PAK5: variants seen among roughly 807,000 people sequenced by gnomAD.
PAK5 encodes serine/threonine-protein kinase PAK 5.
PAK5 carries 16 observed loss-of-function variants against 65.9 expected under a neutral mutation model. That is an observed-to-expected ratio of 0.24 (90% CI 0.16 to 0.37). The LOEUF (loss-of-function observed/expected upper bound fraction) is 0.37, where lower values mean the gene tolerates loss of function less well. Ranked by LOEUF, PAK5 falls within the 10% of genes least tolerant of loss-of-function variation. The probability of loss-of-function intolerance (pLI) is 1.00; values close to 1 mark genes in which losing one functional copy is unlikely to be tolerated. For missense variants in PAK5, 785 were observed against 903.9 expected (o/e 0.87, Z 1.69); for synonymous variants, 371 against 354.9 (o/e 1.05, Z -0.51).
At chr20:9,642,644 A>G (rs2047084265) in intron 3 of PAK5, among the ~76,000 whole-genome samples, 1 of 152,240 alleles carries the variant, frequency 6.6e-6, no homozygotes, top group Non-Finnish European at 1.5e-5. Flanking sequence ...TCATTAGTGA[A>G]GTGCTAGCCT....
At chr20:9,701,150 G>A (rs532941321) in intron 2 of PAK5, among the ~76,000 whole-genome samples, 6 of 152,158 alleles carry the variant, frequency 3.9e-5, no homozygotes, top group African/African-American at 7.2e-5. Flanking sequence ...GACGAGTCAA[G>A]CAAAGTCATT....
rs753315436 is a variant in PAK5 at position 9,580,672 on chromosome 20, C to G, written c.463G>C (p.Asp155His). 3.1e-6 allele frequency: 5 copies of G among 1,613,922 alleles called. No homozygotes were observed. The highest frequency in any genetic ancestry group is 1.3e-5 in the African/African-American group (1 of 74,866). Residue 155 changes from aspartate to histidine, a missense_variant, in exon 4 of 10, where the codon GAT becomes CAT. By Grantham distance (81) the Asp-to-His change is moderately conservative. Around this residue, in one of 4 missense-constraint regions of PAK5, gnomAD observed 422 missense variants for 413.3 expected, o/e 1.02. Transcript: ENST00000353224. ...CTGCCTCTATAATACGGATCCAGATCATCTCCATAGAGACTCTTCTCCCTG... is the reference window on the plus strand; with the variant it reads ...CTGCCTCTATAATACGGATCCAGATGATCTCCATAGAGACTCTTCTCCCTG... ...KYREKSLYGD[D>H]LDPYYRGSHA...
Position 9,821,162 on chromosome 20 carries a change from T to C in PAK5, c.-162+17600A>G, listed in dbSNP as rs547122315. Among the ~76,000 whole-genome samples the C allele has an allele frequency of 5.0e-3, 764 of 152,100 alleles. 2 individuals are homozygous for C. The highest frequency in any genetic ancestry group is 8.8e-3 in the Admixed American group (134 of 15,266). On this transcript the variant is annotated intron_variant, in intron 1 of 9. Coordinates refer to ENST00000353224, the MANE Select transcript of PAK5 (RefSeq NM_177990.4). The stretch of plus-strand genomic sequence containing the variant: ...TTGGGAGGCCGAGGCAGGCGGATCA[T>C]CTGAGGTCAGGAGTTCGAGACCAGC...
At chr20:9,667,976 T>A (rs17409066) in intron 2 of PAK5, among the ~76,000 whole-genome samples, 320 of 152,304 alleles carry the variant, frequency 2.1e-3, no homozygotes, top group Non-Finnish European at 3.4e-3. Context: ...TTAATAATTA[T>A]ACCAAATAGA....
intron 2 of PAK5, among the ~76,000 whole-genome samples, chr20:9,663,170 C>A (rs907591741): frequency 1.3e-5 from 2 of 151,782 alleles, no homozygotes; most frequent in African/African-American, 2.4e-5. Flanking sequence ...GAAGCAAAAA[C>A]CATTGCAATG....
intron 1 of PAK5, among the ~76,000 whole-genome samples, chr20:9,716,796 T>C (rs2048152202): frequency 6.6e-6 from 1 of 152,122 alleles, no homozygotes; most frequent in African/African-American, 2.4e-5. Flanking sequence ...TAAAAAGCAA[T>C]CTGGGGGCCA....
intron 1 of PAK5, among the ~76,000 whole-genome samples, chr20:9,804,658 A>T (rs1184320667): frequency 6.6e-6 from 1 of 152,228 alleles, no homozygotes. Context: ...CAAATTTGGC[A>T]GTGGTTCCTC....
intron 1 of PAK5, among the ~76,000 whole-genome samples, chr20:9,808,077 G>A (rs569937221): frequency 4.6e-5 from 7 of 152,136 alleles, no homozygotes; most frequent in Admixed American, 1.3e-4. Flanking sequence ...AAGTTGAGGT[G>A]TGTTCAGACA....
chr20:9,803,536 C>G (rs949386945), intron 1 of PAK5, among the ~76,000 whole-genome samples: 1 of 152,126 alleles, frequency 6.6e-6, no homozygotes, highest in African/African-American at 2.4e-5. Flanking sequence ...AAAGAAGAGT[C>G]TAAGAACATG....
At chr20:9,697,125 T>C (rs1008450802) in intron 2 of PAK5, among the ~76,000 whole-genome samples, 22 of 152,090 alleles carry the variant, frequency 1.4e-4, no homozygotes, top group African/African-American at 5.3e-4. Flanking sequence ...CCAAAAGACT[T>C]CTTGCCATCT....
chr20:9,669,270 A>G (rs1335819650), intron 2 of PAK5, among the ~76,000 whole-genome samples: 4 of 152,154 alleles, frequency 2.6e-5, no homozygotes, highest in Non-Finnish European at 5.9e-5. Context: ...GATTACCAAT[A>G]TATTTACTTG....
chr20:9,649,306 T>A (rs866349303), intron 2 of PAK5, among the ~76,000 whole-genome samples: 1 of 152,248 alleles, frequency 6.6e-6, no homozygotes, highest in East Asian at 1.9e-4. Flanking sequence ...AATATTAGTT[T>A]AGTTCCTAGA....
intron 1 of PAK5, among the ~76,000 whole-genome samples, chr20:9,802,910 G>GTA (rs57705525): frequency 0.071 from 3,281 of 46,418 alleles, 218 homozygotes; most frequent in Middle Eastern, 0.16. Flanking sequence ...ATATGTATGT[G>GTA]TATATATATA....
At chr20:9,614,598 T>C (rs2046622121) in intron 3 of PAK5, among the ~76,000 whole-genome samples, 1 of 152,212 alleles carries the variant, frequency 6.6e-6, no homozygotes, top group South Asian at 2.1e-4. Flanking sequence ...AACACCTTAC[T>C]TCCTTAGAGG....
rs111849792 is a variant in PAK5, at chr20:9,660,543, T to C, written c.-11-16204A>G. Among the ~76,000 whole-genome samples, 528 of 151,870 alleles carry C rather than the reference T, an allele frequency of 3.5e-3. 2 individuals are homozygous for C. Among genetic ancestry groups the C allele is most frequent in the African/African-American group, 0.012 (495 of 41,446 alleles). Reference sequence around the variant, plus strand: ...GAAAATTACGTAGTATATTAGAAGATGATAAGGCCCGTGAGAAAAAAATAA... The same window carrying C: ...GAAAATTACGTAGTATATTAGAAGACGATAAGGCCCGTGAGAAAAAAATAA... On this transcript the variant is annotated intron_variant, in intron 2 of 9. Coordinates refer to ENST00000353224, the MANE Select transcript of PAK5 (RefSeq NM_177990.4).
intron 3 of PAK5, among the ~76,000 whole-genome samples, chr20:9,598,110 C>G (rs866704586): frequency 5.3e-5 from 8 of 152,256 alleles, no homozygotes; most frequent in Middle Eastern, 3.4e-3. Context: ...TGCTTTCCCT[C>G]CCCCCATGAC....
chr20:9,562,830 G>A (rs138861744), intron 6 of PAK5, 61 bp downstream of exon 6: 16 of 1,497,030 alleles, frequency 1.1e-5, no homozygotes, highest in South Asian at 5.8e-5. Context: ...TAGTCACTGC[G>A]GCTTTATCCT....
intron 1 of PAK5, among the ~76,000 whole-genome samples, chr20:9,797,621 T>C (rs1600385592): frequency 6.6e-6 from 1 of 150,704 alleles, no homozygotes; most frequent in South Asian, 2.1e-4. Flanking sequence ...GTTGTGCACA[T>C]GTACCCTAGA....
At chr20:9,724,536 A>T (rs192656747) in intron 1 of PAK5, among the ~76,000 whole-genome samples, 1 of 152,300 alleles carries the variant, frequency 6.6e-6, no homozygotes, top group East Asian at 1.9e-4. Context: ...ATCAAATAAG[A>T]ATTTTTAACA....
Sources: allele counts gnomAD v4.1 joint callset (sites outside exome capture counted in the v4.1 genomes callset), GRCh38; gene constraint gnomAD v4.1.1; regional missense constraint gnomAD v4.1.1; transcripts MANE v1.5; gene names NCBI Gene and HGNC (gene_info 2026-07-23, HGNC 2026-07-21).